EPS8: variants seen among roughly 807,000 people sequenced by gnomAD.
EPS8 encodes the protein EGFR pathway substrate 8, signaling adaptor.
Under a neutral mutation model 103.8 loss-of-function variants are expected in EPS8, and 42 were observed. The observed-to-expected ratio is 0.40, with a 90% CI of 0.32 to 0.52. The LOEUF (loss-of-function observed/expected upper bound fraction) is 0.52, where lower values mean the gene tolerates loss of function less well. Ranked by LOEUF, EPS8 falls within the 20% of genes least tolerant of loss-of-function variation. EPS8 has a pLI of 0.40. For synonymous variants in EPS8, 344 were observed against 344.6 expected (o/e 1.00, Z 0.02); for missense variants, 969 against 1,005.1 (o/e 0.96, Z 0.49).
At chr12:15,671,488 C>T (rs1032293700) in intron 3 of EPS8, among the ~76,000 whole-genome samples, 2 of 152,052 alleles carry the variant, frequency 1.3e-5, no homozygotes, top group African/African-American at 4.8e-5. Flanking sequence ...ATCTACAAAA[C>T]ACACAAATGT....
In EPS8 at chr12:15,622,132, T is replaced by C. The variant is rs182320308; in HGVS notation, c.2356-702A>G. Reference sequence around the variant, plus strand: ...GATAGGCAGGTGTGGGATGAAGGAATTCAGAATTTTAGGAATATGGCATTT... The same window carrying C: ...GATAGGCAGGTGTGGGATGAAGGAACTCAGAATTTTAGGAATATGGCATTT... On this transcript the variant is annotated intron_variant, in intron 20 of 20. Transcript: ENST00000281172. Among the ~76,000 whole-genome samples, 159 of 152,260 alleles carry C rather than the reference T, an allele frequency of 1.0e-3. 1 individual carries two copies. The Middle Eastern group carries it at 0.014, about 13-fold the overall frequency.
chr12:15,713,085 C>T lies in EPS8; in HGVS notation c.-21-30113G>A. 2 of 639,032 alleles carry T rather than the reference C, an allele frequency of 3.1e-6. No individual in the cohort carries two copies. Among genetic ancestry groups the T allele is most frequent in the Non-Finnish European group, 3.9e-6 (2 of 513,596 alleles). 39.6% of individuals were successfully genotyped at this position (639,032 alleles called of 1,614,324 possible). A position where few individuals can be genotyped will look rare whatever the true frequency, so the allele number is the denominator to read the frequency against. On this transcript the variant is annotated intron_variant, in intron 1 of 20. Transcript: ENST00000281172. The surrounding 1 kb of genome is among the most constrained non-coding windows in gnomAD (Gnocchi z 4.8). ...AAGTAAGTAAACACAGCTACCACTACACTTCCAACTCTTGCCTAAGATGAT... is the reference window on the plus strand; with the variant it reads ...AAGTAAGTAAACACAGCTACCACTATACTTCCAACTCTTGCCTAAGATGAT...
chr12:15,784,335 AACAGCCATC>A lies in EPS8; in HGVS notation c.-22+4817_-22+4825del, dbSNP rs1476120848. Reference sequence around the variant, plus strand: ...CATTAAAAAGTGGGCAAATGATCTGAACAGCCATCACACCACAGAAGATGTACAGATGAA... The same window carrying A: ...CATTAAAAAGTGGGCAAATGATCTGAACACCACAGAAGATGTACAGATGAA... On this transcript the variant is annotated intron_variant, in intron 1 of 20. Transcript: ENST00000281172. The surrounding 1 kb of genome is among the most constrained non-coding windows in gnomAD (Gnocchi z 4.0). Among the ~76,000 whole-genome samples, 2 of 152,236 alleles carry A rather than the reference AACAGCCATC, an allele frequency of 1.3e-5. No homozygotes were observed. The highest frequency in any genetic ancestry group is 4.8e-5 in the African/African-American group (2 of 41,474).
chr12:15,676,049 G>A (rs1263282767), intron 3 of EPS8, among the ~76,000 whole-genome samples: 2 of 152,000 alleles, frequency 1.3e-5, no homozygotes, highest in Non-Finnish European at 2.9e-5. Flanking sequence ...GAGGCGGGCA[G>A]ATCTCAAGGT....
intron 1 of EPS8, among the ~76,000 whole-genome samples, chr12:15,720,921 T>C (rs1262067235): frequency 1.3e-5 from 2 of 152,174 alleles, no homozygotes; most frequent in African/African-American, 4.8e-5. Flanking sequence ...AGATTATCTA[T>C]CCCCAAACCT....
At chr12:15,648,782 G>T (rs1945363346) in intron 14 of EPS8, among the ~76,000 whole-genome samples, 1 of 152,128 alleles carries the variant, frequency 6.6e-6, no homozygotes, top group South Asian at 2.1e-4. Flanking sequence ...GATGACAAAT[G>T]ACTAACTGTG....
chr12:15,754,143 A>G (rs1946961045), intron 1 of EPS8, among the ~76,000 whole-genome samples: 1 of 152,166 alleles, frequency 6.6e-6, no homozygotes, highest in African/African-American at 2.4e-5. Context: ...TCTCCTTGGC[A>G]TGAATTCTCT....
chr12:15,764,711 C>G lies in EPS8; in HGVS notation c.-22+24450G>C, dbSNP rs1241649864. On this transcript the variant is annotated intron_variant, in intron 1 of 20. Coordinates refer to ENST00000281172, the MANE Select transcript of EPS8 (RefSeq NM_004447.6). The surrounding 1 kb of genome is among the most constrained non-coding windows in gnomAD (Gnocchi z 4.1). ...GTCTGACGTCAGCAATTCTGAGGTG[C>G]TAGATCTTAGGGAAAGGGAAAGGTT... Among the ~76,000 whole-genome samples the G allele has an allele frequency of 6.6e-6, 1 of 152,118 alleles. No homozygotes were observed. The highest frequency in any genetic ancestry group is 2.4e-5 in the African/African-American group (1 of 41,402).
chr12:15,682,256 C>A (rs1211492277), intron 2 of EPS8, among the ~76,000 whole-genome samples: 1 of 152,152 alleles, frequency 6.6e-6, no homozygotes, highest in African/African-American at 2.4e-5. Flanking sequence ...GGGCTTTTAG[C>A]ATCATGATTA....
rs974344459 is a variant in EPS8 at position 15,769,749 on chromosome 12, C to G, written c.-22+19412G>C. Among the ~76,000 whole-genome samples, 1 of 152,072 alleles carries G rather than the reference C, an allele frequency of 6.6e-6. No individual in the cohort carries two copies. Among genetic ancestry groups the G allele is most frequent in the African/African-American group, 2.4e-5 (1 of 41,412 alleles). On this transcript the variant is annotated intron_variant, in intron 1 of 20. Transcript: ENST00000281172. This position sits in a 1 kb window ranked among gnomAD's most constrained non-coding sequence, Gnocchi z 4.6. ...GTCTTTTGTCTAACACTAGCATTCA[C>G]GAGAATCTGATCACAGAGCAAAATA...
intron 6 of EPS8, among the ~76,000 whole-genome samples, chr12:15,668,456 A>T (rs1591837488): frequency 2.6e-5 from 4 of 152,246 alleles, no homozygotes; most frequent in Admixed American, 2.6e-4. Flanking sequence ...GTACCAATTA[A>T]CACAAAATGA....
chr12:15,624,821 C>T lies in EPS8; in HGVS notation c.2045-414G>A, dbSNP rs370494138. 5.6e-4 allele frequency among the ~76,000 whole-genome samples: 86 copies of T among 152,240 alleles called. 1 individual carries two copies. The highest frequency in any genetic ancestry group is 1.9e-3 in the African/African-American group (80 of 41,538). The stretch of plus-strand genomic sequence containing the variant: ...GGCTCTCAACTGGGGACAGTTTTGG[C>T]CCCAGAGGACATTTGGGAATATCTG... On this transcript the variant is annotated intron_variant, in intron 18 of 20. Transcript: ENST00000281172.
At chr12:15,665,675 TCAG>T in intron 8 of EPS8, 78 bp downstream of exon 8, 1 of 1,510,160 alleles carries the variant, frequency 6.6e-7, no homozygotes, top group Non-Finnish European at 9.1e-7. Flanking sequence ...AGTTCTGAAA[TCAG>T]CATCAGAATT....
At position 15,695,276 on chromosome 12, in the gene EPS8, A is replaced by G. The variant is rs894758756; in HGVS notation, c.-21-12304T>C. On this transcript the variant is annotated intron_variant, in intron 1 of 20. Transcript: ENST00000281172. The surrounding 1 kb of genome is among the most constrained non-coding windows in gnomAD (Gnocchi z 5.0). ...AAATAACTTTTAAACATGATTATTCAAACAAGATTCATTCAACATTAATTG... is the reference window on the plus strand; with the variant it reads ...AAATAACTTTTAAACATGATTATTCGAACAAGATTCATTCAACATTAATTG... Among the ~76,000 whole-genome samples the G allele has an allele frequency of 4.6e-5, 7 of 152,256 alleles. No homozygotes were observed. The highest frequency in any genetic ancestry group is 1.7e-4 in the African/African-American group (7 of 41,472).
At position 15,702,837 on chromosome 12, in the gene EPS8, A is replaced by G. The variant is rs556271366; in HGVS notation, c.-21-19865T>C. ...GTTATTAAAGGTAAACATTCAATAG[A>G]GTGAGCAAAACCACATAATAAGTTC... On this transcript the variant is annotated intron_variant, in intron 1 of 20. Transcript: ENST00000281172. The surrounding 1 kb of genome is among the most constrained non-coding windows in gnomAD (Gnocchi z 5.1). Among the ~76,000 whole-genome samples the G allele has an allele frequency of 3.3e-5, 5 of 152,356 alleles. No individual in the cohort carries two copies. The East Asian group carries it at 9.6e-4, about 29-fold the overall frequency.
At position 15,660,653 on chromosome 12, in the gene EPS8, T is replaced by C; in HGVS notation, c.898A>G (p.Arg300Gly). The change falls in exon 10 of 21, where the codon AGG becomes GGG. Residue 300 changes from arginine (R) to glycine (G), a missense_variant. Physicochemically the swap from Arg to Gly is moderately radical, Grantham distance 125. Transcript: ENST00000281172. ...AAEAFSELSK[R>G]KKNKKGKRKG... ...CTTTTACCTTTCTTGTTTTTCTTCC[T>C]TTTAGAAAGCTCAGAAAATGCTTCT... 6.2e-7 allele frequency: 1 copy of C among 1,601,182 alleles called. No homozygotes were observed. Among genetic ancestry groups the C allele is most frequent in the Non-Finnish European group, 8.6e-7 (1 of 1,168,546 alleles).
At chr12:15,623,687 T>C (rs1232264110) in intron 19 of EPS8, among the ~76,000 whole-genome samples, 1 of 152,210 alleles carries the variant, frequency 6.6e-6, no homozygotes. Flanking sequence ...TATGTATTAT[T>C]CTAATAGTTC....
At chr12:15,649,535 A>T (rs370342864) in intron 14 of EPS8, among the ~76,000 whole-genome samples, 84 of 152,290 alleles carry the variant, frequency 5.5e-4, no homozygotes, top group African/African-American at 1.8e-3. Context: ...ATGCTTGCCA[A>T]CCGAGCAGTG....
intron 18 of EPS8, among the ~76,000 whole-genome samples, chr12:15,627,903 C>A (rs1424837473): frequency 6.6e-6 from 1 of 152,160 alleles, no homozygotes; most frequent in African/African-American, 2.4e-5. Context: ...AACCTGGTCA[C>A]TTAGGGAGCT....
Sources: gnomAD v4.1 joint callset for allele counts (sites outside exome capture counted in the v4.1 genomes callset) on GRCh38, gnomAD v4.1.1 for gene constraint, Gnocchi (gnomAD v3.1) non-coding constraint, MANE v1.5 for transcripts, NCBI Gene and HGNC (gene_info 2026-07-23, HGNC 2026-07-21) for gene names.